Variants in ABCC12 observed in about 807,000 individuals in gnomAD.
ABCC12 encodes ATP binding cassette subfamily C member 12.
In ABCC12, 142 loss-of-function variants were observed where a neutral mutation model predicts 151.1. That is an observed-to-expected ratio of 0.94 (90% CI 0.82 to 1.08). ABCC12 has a LOEUF of 1.08. ABCC12 is among the 50% of genes least tolerant of loss of function. The pLI is 0.00. For missense variants in ABCC12, 1,638 were observed against 1,691.1 expected (o/e 0.97, Z 0.55); for synonymous variants, 645 against 646.4 (o/e 1.00, Z 0.03).
rs1453489405 is a variant in ABCC12, at chr16:48,153,812, T to C, written c.-247A>G. The C allele has an allele frequency of 1.3e-5, 2 of 152,158 alleles. No homozygotes were observed. Among genetic ancestry groups the C allele is most frequent in the African/African-American group, 4.8e-5 (2 of 41,434 alleles). 9.4% of individuals were successfully genotyped at this position (152,158 alleles called of 1,614,324 possible). A position where few individuals can be genotyped will look rare whatever the true frequency, so the allele number is the denominator to read the frequency against. ...ATTTCCTTGAGTGCTCCCCAGGGCA[T>C]GTGAAGTTTTGATGATCTGAGGCGG... On this transcript the variant is annotated 5_prime_UTR_variant, in exon 2 of 31. An upstream start codon of the reference 5' UTR is lost. Coordinates refer to ENST00000311303, the MANE Select transcript of ABCC12 (RefSeq NM_001393797.1).
chr16:48,136,084 G>A (rs923867657), intron 8 of ABCC12, among the ~76,000 whole-genome samples: 2 of 152,188 alleles, frequency 1.3e-5, no homozygotes, highest in Admixed American at 1.3e-4. Flanking sequence ...AGAGCAAACT[G>A]TCTTCGAAGG....
intron 24 of ABCC12, among the ~76,000 whole-genome samples, chr16:48,093,839 G>A (rs759159598): frequency 2.0e-5 from 3 of 152,230 alleles, no homozygotes; most frequent in African/African-American, 4.8e-5. Flanking sequence ...ATTCTCCTAC[G>A]TGATGTGATA....
In ABCC12 at chr16:48,133,733, G is replaced by A. The variant is rs1423804801; in HGVS notation, c.1082C>T (p.Thr361Ile). 6.2e-7 allele frequency: 1 copy of A among 1,614,134 alleles called. No homozygotes were observed. Among genetic ancestry groups the A allele is most frequent in the Non-Finnish European group, 8.5e-7 (1 of 1,180,020 alleles). Residue 361 changes from threonine (T) to isoleucine (I), a missense_variant, in exon 9 of 31, where the codon ACA (threonine) becomes ATA (isoleucine). Thr to Ile is a moderately conservative substitution (Grantham distance 89). Coordinates refer to ENST00000311303, the MANE Select transcript of ABCC12 (RefSeq NM_001393797.1). Reference protein sequence around the residue: ...PIVSTIAIVLTLSCHILLRRK... With the variant: ...PIVSTIAIVLILSCHILLRRK... ...TCTCAGGAGGATGTGGCAGGATAAT[G>A]TCAGCACGATGGCTATGGTGGACAC...
intron 15 of ABCC12, among the ~76,000 whole-genome samples, chr16:48,114,603 C>T (rs945286963): frequency 6.6e-6 from 1 of 152,202 alleles, no homozygotes; most frequent in African/African-American, 2.4e-5. Context: ...GAGACACCCA[C>T]GTGCACGCAT....
At position 48,146,675 on chromosome 16, in the gene ABCC12, A is replaced by G. The variant is rs987559897; in HGVS notation, c.-50-201T>C. On this transcript the variant is annotated intron_variant, in intron 2 of 30. Transcript: ENST00000311303. Reference sequence around the variant, plus strand: ...GCTACGCTGAGGCTTTCTTATTAGTAGGACCATTTAATTCCTCTTTTCTCA... The same window carrying G: ...GCTACGCTGAGGCTTTCTTATTAGTGGGACCATTTAATTCCTCTTTTCTCA... The G allele has an allele frequency of 1.9e-5, 8 of 414,476 alleles. No homozygotes were observed. In the East Asian group the frequency reaches 3.4e-4, roughly 17 times the overall value. The allele number at this position is 414,476 out of a possible 1,614,324, so 25.7% of individuals were successfully genotyped here. A position where few individuals can be genotyped will look rare whatever the true frequency, so the allele number is the denominator to read the frequency against.
intron 24 of ABCC12, among the ~76,000 whole-genome samples, chr16:48,092,402 G>A (rs570086962): frequency 6.4e-4 from 98 of 152,328 alleles, no homozygotes; most frequent in Non-Finnish European, 8.5e-4. Context: ...GAACTGTCCC[G>A]TGCTGGGGCA....
intron 24 of ABCC12, among the ~76,000 whole-genome samples, chr16:48,095,757 G>A (rs895150340): frequency 1.3e-5 from 2 of 150,352 alleles, no homozygotes; most frequent in African/African-American, 4.9e-5. Flanking sequence ...AGGAGAAAAA[G>A]GAGAAATGTT....
intron 24 of ABCC12, among the ~76,000 whole-genome samples, chr16:48,091,949 T>A (rs1353299568): frequency 6.6e-6 from 1 of 152,060 alleles, no homozygotes; most frequent in Admixed American, 6.5e-5. Context: ...AGTCCAGTGA[T>A]AAGTGTCATT....
rs544241868 is a variant in ABCC12 at position 48,105,689 on chromosome 16, T to C, written c.2476-353A>G. 1.6e-4 allele frequency among the ~76,000 whole-genome samples: 25 copies of C among 152,172 alleles called. 1 individual carries two copies. The highest frequency in any genetic ancestry group is 3.1e-4 in the Non-Finnish European group (21 of 68,006). The stretch of plus-strand genomic sequence containing the variant: ...GAAGATCAGAGAGGCAAATGGGGAA[T>C]TGGAATTCCACCAGGCTGGAGGAGT... On this transcript the variant is annotated intron_variant, in intron 20 of 30. Transcript: ENST00000311303.
chr16:48,134,880 G>C (rs979029723), intron 8 of ABCC12, among the ~76,000 whole-genome samples: 2 of 151,852 alleles, frequency 1.3e-5, no homozygotes, highest in Non-Finnish European at 2.9e-5. Context: ...GTGAAACCCC[G>C]TCTCTACTAA....
At chr16:48,106,726 A>G (rs1290346033) in intron 20 of ABCC12, among the ~76,000 whole-genome samples, 1 of 152,224 alleles carries the variant, frequency 6.6e-6, no homozygotes, top group Non-Finnish European at 1.5e-5. Context: ...CCAGGGCTCC[A>G]GGAAAGCTTT....
intron 7 of ABCC12, 54 bp from the exon 8 acceptor site, chr16:48,138,429 G>A: frequency 6.5e-7 from 1 of 1,545,574 alleles, no homozygotes; most frequent in Non-Finnish European, 8.8e-7. Flanking sequence ...GTTGCAGCTG[G>A]CCTAAAAATC....
At chr16:48,114,864 C>T (rs986863370) in intron 15 of ABCC12, among the ~76,000 whole-genome samples, 1 of 152,210 alleles carries the variant, frequency 6.6e-6, no homozygotes, top group African/African-American at 2.4e-5. Context: ...GAGATTCATG[C>T]TCCTTAGCCT....
chr16:48,124,360 C>A, intron 11 of ABCC12, 76 bp from the exon 12 acceptor site: 1 of 1,451,668 alleles, frequency 6.9e-7, no homozygotes, highest in Non-Finnish European at 9.7e-7. Flanking sequence ...GTGCCACTCC[C>A]AAACTATGCT....
chr16:48,111,222 T>G (rs1036581497), intron 18 of ABCC12, among the ~76,000 whole-genome samples: 1 of 152,180 alleles, frequency 6.6e-6, no homozygotes, highest in Non-Finnish European at 1.5e-5. Flanking sequence ...AGGTTCAGAG[T>G]GGCCAAGTAT....
chr16:48,099,402 A>C (rs1338934991), intron 23 of ABCC12, among the ~76,000 whole-genome samples: 1 of 152,110 alleles, frequency 6.6e-6, no homozygotes, highest in Non-Finnish European at 1.5e-5. Flanking sequence ...GTCTCAAAAA[A>C]TAAAAATAAA....
intron 24 of ABCC12, among the ~76,000 whole-genome samples, chr16:48,092,815 G>A (rs981957417): frequency 1.3e-5 from 2 of 152,184 alleles, no homozygotes; most frequent in African/African-American, 2.4e-5. Flanking sequence ...AGAGGACTGT[G>A]CGAGCTGAGG....
chr16:48,141,269 C>T lies in ABCC12; in HGVS notation c.360G>A (p.Arg120=), dbSNP rs1266493369. 2.5e-6 allele frequency: 4 copies of T among 1,614,130 alleles called. No homozygotes were observed. The Admixed American group carries it at 6.7e-5, about 27-fold the overall frequency. ...CCACGATGTCCATCAACACGCGTGT[C>T]CTCTGGAATTTCCACACCACGTGGC... The part of the protein sequence containing the change: ...SLSHVVWKFQ[R]TRVLMDIVAN... Residue 120 remains arginine, a synonymous_variant, in exon 5 of 31, where the codon AGG becomes AGA. Transcript: ENST00000311303.
At chr16:48,154,758 T>C (rs1965161759) in intron 1 of ABCC12, among the ~76,000 whole-genome samples, 1 of 152,240 alleles carries the variant, frequency 6.6e-6, no homozygotes, top group African/African-American at 2.4e-5. Context: ...ACTTTATGTT[T>C]GAGAACTGGA....
Sources: allele counts gnomAD v4.1 joint callset (sites outside exome capture counted in the v4.1 genomes callset), GRCh38; gene constraint gnomAD v4.1.1; transcripts MANE v1.5; gene names NCBI Gene and HGNC (gene_info 2026-07-23, HGNC 2026-07-21).